TMEM132E: variants seen among roughly 807,000 people sequenced by gnomAD.
TMEM132E encodes the protein transmembrane protein 132E.
TMEM132E carries 49 observed loss-of-function variants against 78.5 expected under a neutral mutation model. That is an observed-to-expected ratio of 0.62 (90% confidence interval 0.50 to 0.79). TMEM132E has a LOEUF of 0.79. Among genes scored for constraint, TMEM132E ranks in the 30% least tolerant of loss-of-function variants. TMEM132E has a pLI of 0.00. For synonymous variants in TMEM132E, 715 were observed against 670.6 expected, an observed-to-expected ratio of 1.07 and a Z score of -1.02; for missense variants, 1,403 against 1,470.9, an observed-to-expected ratio of 0.95 and a Z score of 0.75.
At chr17:34,623,696 A>T (rs1907035657) in intron 1 of TMEM132E, among the ~76,000 whole-genome samples, 1 of 152,212 alleles carries the variant, frequency 6.6e-6, no homozygotes, top group Non-Finnish European at 1.5e-5. Flanking sequence ...CAAAATGGAA[A>T]GCAACTTGCA....
chr17:34,624,096 G>A (rs944743834), intron 1 of TMEM132E, among the ~76,000 whole-genome samples: 5 of 152,194 alleles, frequency 3.3e-5, no homozygotes, highest in Non-Finnish European at 5.9e-5. Context: ...CCTTTGTCAT[G>A]CCCCAAGCCT....
intron 1 of TMEM132E, among the ~76,000 whole-genome samples, chr17:34,593,902 C>T (rs902251445): frequency 3.9e-5 from 6 of 152,192 alleles, no homozygotes; most frequent in African/African-American, 9.7e-5. Context: ...TTCACCTGCT[C>T]GTCTCCGGTC....
chr17:34,626,918 G>T lies in TMEM132E; in HGVS notation c.859G>T (p.Glu287Ter). ...FRPPPRRTLQ[E>*]HRLDSNLMIR... ...CCCGCCCCCCAGGAGGACCCTGCAGGAGCACAGGCTGGACAGCAACCTGAT... is the reference window on the plus strand; with the variant it reads ...CCCGCCCCCCAGGAGGACCCTGCAGTAGCACAGGCTGGACAGCAACCTGAT... The change falls in exon 2 of 9, where the codon GAG becomes TAG. Residue 287 changes from glutamate (E) to a stop codon, truncating the protein, a stop_gained. Transcript: ENST00000631683. LOFTEE classifies it high-confidence loss of function. 1 of 1,613,698 alleles carries T rather than the reference G, an allele frequency of 6.2e-7. No individual in the cohort carries two copies. The highest frequency in any genetic ancestry group is 8.5e-7 in the Non-Finnish European group (1 of 1,180,000).
chr17:34,636,212 T>C lies in TMEM132E; in HGVS notation c.2169+14T>C. ...TTCCTCAAGCAGGTAACTGGCTCCT[T>C]GGCCCACCAGCCAGGGAGTTGGTGG... On this transcript the variant is annotated intron_variant, in intron 8 of 8. Coordinates refer to ENST00000631683, the MANE Select transcript of TMEM132E (RefSeq NM_001304438.2). 1 of 1,458,468 alleles carries C rather than the reference T, an allele frequency of 6.9e-7. No homozygotes were observed. Among genetic ancestry groups the C allele is most frequent in the Non-Finnish European group, 9.1e-7 (1 of 1,100,326 alleles). The allele number at this position is 1,458,468 out of a possible 1,614,324, so 90.3% of individuals were successfully genotyped here.
At chr17:34,595,342 T>C (rs1433718082) in intron 1 of TMEM132E, among the ~76,000 whole-genome samples, 1 of 152,264 alleles carries the variant, frequency 6.6e-6, no homozygotes, top group Non-Finnish European at 1.5e-5. Context: ...TTCAATGAGC[T>C]GATGGATGTA....
In TMEM132E at chr17:34,636,144, C is replaced by G. The variant is rs750281523; in HGVS notation, c.2115C>G (p.Ser705Arg). 2 of 1,583,528 alleles carry G rather than the reference C, an allele frequency of 1.3e-6. No individual in the cohort carries two copies. Among genetic ancestry groups the G allele is most frequent in the East Asian group, 4.8e-5 (2 of 41,708 alleles). Reference protein sequence around the residue: ...ALSLRPSPGSSHTILATTAAQ... With the variant: ...ALSLRPSPGSRHTILATTAAQ... The stretch of plus-strand genomic sequence containing the variant: ...CCCTGCGGCCCAGCCCTGGGAGCAG[C>G]CACACCATCCTAGCCACCACAGCTG... Residue 705 changes from serine to arginine, a missense_variant, in exon 8 of 9, where the codon AGC becomes AGG. Ser to Arg is a moderately radical substitution (Grantham distance 110). This residue lies in a region of TMEM132E where 888 missense variants were observed against 952.8 expected (regional missense o/e 0.93). Coordinates refer to ENST00000631683, the MANE Select transcript of TMEM132E (RefSeq NM_001304438.2).
chr17:34,635,802 C>G, intron 7 of TMEM132E: 1 of 419,792 alleles, frequency 2.4e-6, no homozygotes, highest in African/African-American at 2.0e-5. Flanking sequence ...CGCCTGGCTC[C>G]TGTGAGCCCC....
chr17:34,637,620 G>A lies in TMEM132E; in HGVS notation c.2613G>A (p.Leu871=), dbSNP rs1323645292. 3 of 1,603,940 alleles carry A rather than the reference G, an allele frequency of 1.9e-6. No individual in the cohort carries two copies. The South Asian group carries it at 3.3e-5, about 18-fold the overall frequency. Residue 871 remains leucine (L), a synonymous_variant, in exon 9 of 9, where the codon CTG becomes CTA. Coordinates refer to ENST00000631683, the MANE Select transcript of TMEM132E (RefSeq NM_001304438.2). The part of the protein sequence containing the change: ...SPVVPPTEDF[L]PLPTGFLQVP... ...TCGTGCCACCCACAGAAGACTTCCTGCCGCTGCCCACCGGCTTCCTGCAGG... is the reference window on the plus strand; with the variant it reads ...TCGTGCCACCCACAGAAGACTTCCTACCGCTGCCCACCGGCTTCCTGCAGG...
In TMEM132E at chr17:34,600,518, TTGGGAGTCTGCCC is replaced by T. The variant is rs150281997; in HGVS notation, c.67+19378_67+19390del. Reference sequence around the variant, plus strand: ...AATGAACCCAGCAGGGGATCCACCCTTGGGAGTCTGCCCTGAGGTTTGCCATGGGGCACCTGGA... The same window carrying T: ...AATGAACCCAGCAGGGGATCCACCCTTGAGGTTTGCCATGGGGCACCTGGA... On this transcript the variant is annotated intron_variant, in intron 1 of 8. Transcript: ENST00000631683. 8.9e-3 allele frequency among the ~76,000 whole-genome samples: 1,348 copies of T among 151,472 alleles called. 23 individuals carry two copies. The highest frequency in any genetic ancestry group is 0.031 in the African/African-American group (1,279 of 41,296).
intron 1 of TMEM132E, among the ~76,000 whole-genome samples, chr17:34,617,232 A>G (rs1432905219): frequency 6.6e-6 from 1 of 152,244 alleles, no homozygotes; most frequent in Admixed American, 6.5e-5. Context: ...GAGAAAGGAA[A>G]GAAACTGCCC....
chr17:34,617,543 C>T (rs1906823553), intron 1 of TMEM132E, among the ~76,000 whole-genome samples: 1 of 152,176 alleles, frequency 6.6e-6, no homozygotes, highest in Non-Finnish European at 1.5e-5. Context: ...GAACACTGAG[C>T]ACCAACTTTG....
At chr17:34,593,259 T>C (rs1377649686) in intron 1 of TMEM132E, among the ~76,000 whole-genome samples, 4 of 152,118 alleles carry the variant, frequency 2.6e-5, no homozygotes, top group African/African-American at 9.7e-5. Context: ...AAAAAAATTA[T>C]ATTGAAACAA....
rs902743773 is a variant in TMEM132E, at chr17:34,610,921, T to G, written c.68-15206T>G. On this transcript the variant is annotated intron_variant, in intron 1 of 8. Transcript: ENST00000631683. The stretch of plus-strand genomic sequence containing the variant: ...GATGTTCTCAGAACTGTCATGGCAC[T>G]GGTGGATGTGTGATTTAGTGTGTTA... Among the ~76,000 whole-genome samples, 5 of 152,244 alleles carry G rather than the reference T, an allele frequency of 3.3e-5. No individual in the cohort carries two copies. In the East Asian group the frequency reaches 7.7e-4, roughly 23 times the overall value.
chr17:34,616,144 T>C (rs1332206177), intron 1 of TMEM132E, among the ~76,000 whole-genome samples: 1 of 152,024 alleles, frequency 6.6e-6, no homozygotes, highest in African/African-American at 2.4e-5. Flanking sequence ...AGCTAAGAGA[T>C]GGGGAGTTCC....
intron 1 of TMEM132E, among the ~76,000 whole-genome samples, chr17:34,611,334 G>A (rs759164233): frequency 8.5e-5 from 13 of 152,214 alleles, no homozygotes; most frequent in Admixed American, 1.3e-4. Context: ...CCTAAGAGAT[G>A]AGAAATGAGC....
At chr17:34,609,382 G>A (rs1258863118) in intron 1 of TMEM132E, among the ~76,000 whole-genome samples, 1 of 152,228 alleles carries the variant, frequency 6.6e-6, no homozygotes, top group Non-Finnish European at 1.5e-5. Flanking sequence ...GAGGTCATCA[G>A]GTGAGGGGAG....
At chr17:34,612,935 A>G (rs1906639268) in intron 1 of TMEM132E, among the ~76,000 whole-genome samples, 1 of 152,092 alleles carries the variant, frequency 6.6e-6, no homozygotes, top group Non-Finnish European at 1.5e-5. Context: ...ACACTCAGCC[A>G]GTACCTAGCA....
chr17:34,599,969 G>A (rs1906180901), intron 1 of TMEM132E, among the ~76,000 whole-genome samples: 1 of 152,234 alleles, frequency 6.6e-6, no homozygotes, highest in Non-Finnish European at 1.5e-5. Flanking sequence ...GATGCTGGGG[G>A]CCCTGGTGGG....
chr17:34,614,428 GT>G (rs1369320807), intron 1 of TMEM132E: 1 of 152,230 alleles, frequency 6.6e-6, no homozygotes, highest in Non-Finnish European at 1.5e-5. Context: ...TGAGGGTGGG[GT>G]CCCTCCAGTG....
Sources: gnomAD v4.1 joint callset for allele counts (sites outside exome capture counted in the v4.1 genomes callset) on GRCh38, gnomAD v4.1.1 for gene constraint, gnomAD v4.1.1 regional missense constraint, MANE v1.5 for transcripts, NCBI Gene and HGNC (gene_info 2026-07-23, HGNC 2026-07-21) for gene names.